CNTNAP5: variants seen among roughly 807,000 people sequenced by gnomAD.
The protein encoded by CNTNAP5 is contactin-associated protein-like 5.
A neutral mutation model predicts 150.2 loss-of-function variants in CNTNAP5; 72 were observed. The observed-to-expected ratio is 0.48, with a 90% CI of 0.40 to 0.58. The LOEUF is 0.58. CNTNAP5 is among the 20% of genes least tolerant of loss of function. The pLI is 0.00. For synonymous variants in CNTNAP5, 672 were observed against 619.8 expected, an observed-to-expected ratio of 1.08 and a Z score of -1.25; for missense variants, 1,636 against 1,626.2, an observed-to-expected ratio of 1.01 and a Z score of -0.10.
chr2:124,100,997 A>G (rs1683050286), intron 1 of CNTNAP5, among the ~76,000 whole-genome samples: 1 of 152,162 alleles, frequency 6.6e-6, no homozygotes, highest in Admixed American at 6.5e-5. Context: ...AGAAAAAAGG[A>G]TCAGCTTTGG....
chr2:124,096,173 T>G (rs1278203357), intron 1 of CNTNAP5, among the ~76,000 whole-genome samples: 1 of 152,232 alleles, frequency 6.6e-6, no homozygotes, highest in Non-Finnish European at 1.5e-5. Context: ...AACATTCCAG[T>G]ATCCTTGCCC....
intron 3 of CNTNAP5, among the ~76,000 whole-genome samples, chr2:124,405,788 T>C (rs1310976233): frequency 1.3e-5 from 2 of 152,240 alleles, no homozygotes; most frequent in African/African-American, 4.8e-5. Context: ...TTGCACTCTT[T>C]ATGGCTGGCT....
intron 13 of CNTNAP5, among the ~76,000 whole-genome samples, chr2:124,694,426 C>A (rs2105082597): frequency 6.6e-6 from 1 of 152,178 alleles, no homozygotes; most frequent in Admixed American, 6.5e-5. Context: ...GCACCAGGCT[C>A]TTTTCTATAG....
chr2:124,732,039 T>G (rs1267676840), intron 13 of CNTNAP5, among the ~76,000 whole-genome samples: 1 of 152,154 alleles, frequency 6.6e-6, no homozygotes, highest in Non-Finnish European at 1.5e-5. Context: ...TTCATCTTAG[T>G]ATATTTTACT....
At chr2:124,410,901 GA>G (rs1161236563) in intron 3 of CNTNAP5, among the ~76,000 whole-genome samples, 6 of 151,656 alleles carry the variant, frequency 4.0e-5, no homozygotes, top group Non-Finnish European at 8.8e-5. Context: ...GAAGGAAATA[GA>G]GACACAAAAA....
In CNTNAP5 at chr2:124,523,956, AT is replaced by A. The variant is rs1573434900; in HGVS notation, c.1328-342del. ...TGCTGGTAATATTTTGAGTTCGTTT[AT>A]TTTTGTTTTTTTTTTTTCCTCTGCG... On this transcript the variant is annotated intron_variant, in intron 8 of 23. Transcript: ENST00000682447. Among the ~76,000 whole-genome samples, 6 of 140,408 alleles carry A rather than the reference AT, an allele frequency of 4.3e-5. No individual in the cohort carries two copies. In the East Asian group the frequency reaches 1.4e-3, roughly 34 times the overall value. The allele number at this position is 140,408 out of a possible 152,430, so 92.1% of individuals were successfully genotyped here.
At chr2:124,906,705 A>T (rs2104764073) in intron 22 of CNTNAP5, among the ~76,000 whole-genome samples, 1 of 152,294 alleles carries the variant, frequency 6.6e-6, no homozygotes, top group South Asian at 2.1e-4. Flanking sequence ...GTAAAAATTG[A>T]GAAATAAATT....
chr2:124,598,514 G>T (rs1207308708), intron 11 of CNTNAP5, among the ~76,000 whole-genome samples: 7 of 124,596 alleles, frequency 5.6e-5, no homozygotes, highest in Non-Finnish European at 1.0e-4. Flanking sequence ...CAGATCTCCA[G>T]CTGCGTGCTG....
At chr2:124,448,154 G>T (rs1018272065) in intron 6 of CNTNAP5, among the ~76,000 whole-genome samples, 2 of 151,996 alleles carry the variant, frequency 1.3e-5, no homozygotes, top group Admixed American at 6.6e-5. Flanking sequence ...TGTAGTTCCT[G>T]ATACTCAGGA....
intron 1 of CNTNAP5, among the ~76,000 whole-genome samples, chr2:124,026,057 G>A (rs2104615237): frequency 6.6e-6 from 1 of 152,320 alleles, no homozygotes; most frequent in African/African-American, 2.4e-5. Flanking sequence ...AAGGGCCCCT[G>A]GTTCAGACAG....
At chr2:124,230,816 G>A (rs148013440) in intron 2 of CNTNAP5, among the ~76,000 whole-genome samples, 2,292 of 152,216 alleles carry the variant, frequency 0.015, 69 homozygotes, top group African/African-American at 0.053. Context: ...ACAGGCGTGA[G>A]CCACTGCGCC....
intron 1 of CNTNAP5, among the ~76,000 whole-genome samples, chr2:124,166,233 G>A (rs1216425051): frequency 6.6e-6 from 1 of 152,102 alleles, no homozygotes; most frequent in African/African-American, 2.4e-5. Flanking sequence ...ACAGGCCATG[G>A]GCTGAATGAC....
At chr2:124,099,286 C>G (rs1287967679) in intron 1 of CNTNAP5, among the ~76,000 whole-genome samples, 1 of 152,218 alleles carries the variant, frequency 6.6e-6, no homozygotes, top group African/African-American at 2.4e-5. Context: ...GCATAGCACA[C>G]AGCTTAGGTG....
At chr2:124,658,385 G>A (rs1403560100) in intron 13 of CNTNAP5, among the ~76,000 whole-genome samples, 4 of 151,782 alleles carry the variant, frequency 2.6e-5, no homozygotes, top group African/African-American at 4.8e-5. Context: ...TTTCACTCTG[G>A]CACTCCATGT....
At chr2:124,189,485 G>A (rs62163933) in intron 1 of CNTNAP5, among the ~76,000 whole-genome samples, 31,080 of 151,982 alleles carry the variant, frequency 0.2, 3,369 homozygotes, top group African/African-American at 0.24. Flanking sequence ...AGCCTCAGTT[G>A]CCGCAACTTT....
intron 8 of CNTNAP5, among the ~76,000 whole-genome samples, chr2:124,520,792 C>A (rs1482244990): frequency 6.6e-6 from 1 of 152,146 alleles, no homozygotes; most frequent in African/African-American, 2.4e-5. Flanking sequence ...TTGGACACGT[C>A]TATTCTTTCA....
intron 13 of CNTNAP5, among the ~76,000 whole-genome samples, chr2:124,703,020 AGCATCTAG>A (rs1392882985): frequency 1.3e-5 from 2 of 152,168 alleles, no homozygotes; most frequent in Non-Finnish European, 2.9e-5. Flanking sequence ...TGTCAGAATA[AGCATCTAG>A]GCATTTTGTT....
intron 7 of CNTNAP5, among the ~76,000 whole-genome samples, chr2:124,493,206 C>G (rs185731636): frequency 1.3e-5 from 2 of 152,096 alleles, no homozygotes; most frequent in African/African-American, 4.8e-5. Flanking sequence ...GTCAAATATT[C>G]TTTTCTGCGT....
intron 3 of CNTNAP5, among the ~76,000 whole-genome samples, chr2:124,278,479 C>T (rs1179305700): frequency 6.6e-6 from 1 of 152,116 alleles, no homozygotes; most frequent in African/African-American, 2.4e-5. Context: ...ATCATGGGTT[C>T]ACTTTCTATC....
Sources: gnomAD v4.1 joint callset for allele counts (sites outside exome capture counted in the v4.1 genomes callset) on GRCh38, gnomAD v4.1.1 for gene constraint, MANE v1.5 for transcripts, NCBI Gene and HGNC (gene_info 2026-07-23, HGNC 2026-07-21) for gene names.